LRP1B: variants seen among roughly 807,000 people sequenced by gnomAD.
The protein encoded by LRP1B is low-density lipoprotein receptor-related protein 1B.
LRP1B carries 217 observed loss-of-function variants against 556.6 expected under a neutral mutation model. The ratio of observed to expected loss-of-function variants is 0.39; its 90% CI spans 0.35 to 0.44. The LOEUF is 0.44. Ranked by LOEUF, LRP1B falls within the 20% of genes least tolerant of loss-of-function variation. The probability of loss-of-function intolerance (pLI) is 1.00; values close to 1 mark genes in which losing one functional copy is unlikely to be tolerated. For synonymous variants in LRP1B, 2,047 were observed against 1,865.8 expected (o/e 1.10, Z -2.50); for missense variants, 5,053 against 5,620.8 (o/e 0.90, Z 3.23).
At chr2:140,943,659 C>T (rs1695463021) in intron 20 of LRP1B, among the ~76,000 whole-genome samples, 1 of 152,082 alleles carries the variant, frequency 6.6e-6, no homozygotes, top group African/African-American at 2.4e-5. Context: ...CAACTTGCTT[C>T]TAAATGACTA....
At chr2:141,271,114 G>T (rs563878337) in intron 3 of LRP1B, among the ~76,000 whole-genome samples, 10 of 151,854 alleles carry the variant, frequency 6.6e-5, no homozygotes, top group African/African-American at 1.9e-4. Flanking sequence ...TAACCAAAAT[G>T]AAAATTTTAT....
chr2:141,972,607 A>G (rs1287295116), intron 1 of LRP1B, among the ~76,000 whole-genome samples: 3 of 150,062 alleles, frequency 2.0e-5, no homozygotes, highest in Admixed American at 6.7e-5. Context: ...AAAAGTGCCT[A>G]CAATTAACCA....
intron 1 of LRP1B, among the ~76,000 whole-genome samples, chr2:142,101,841 T>G (rs1050026616): frequency 6.6e-6 from 1 of 151,978 alleles, no homozygotes; most frequent in African/African-American, 2.4e-5. Context: ...GAAAATGCCG[T>G]AGGCTCTGAA....
intron 2 of LRP1B, among the ~76,000 whole-genome samples, chr2:141,514,147 A>G (rs1684226188): frequency 6.6e-6 from 1 of 151,594 alleles, no homozygotes; most frequent in Non-Finnish European, 1.5e-5. Flanking sequence ...TGCTCCACTG[A>G]CCCCCTCAAC....
At chr2:140,349,879 C>A (rs1288482756) in intron 77 of LRP1B, among the ~76,000 whole-genome samples, 1 of 152,146 alleles carries the variant, frequency 6.6e-6, no homozygotes, top group African/African-American at 2.4e-5. Context: ...AAAATAGCTT[C>A]TTTTAAAACC....
intron 2 of LRP1B, among the ~76,000 whole-genome samples, chr2:141,795,860 ATATAT>A (rs1558880746): frequency 0.026 from 1,805 of 69,298 alleles, 126 homozygotes; most frequent in African/African-American, 0.071. Context: ...CAGGAGCAAT[ATATAT>A]ATATATATAT....
intron 35 of LRP1B, among the ~76,000 whole-genome samples, chr2:140,722,839 C>G (rs1306008829): frequency 6.6e-6 from 1 of 152,050 alleles, no homozygotes; most frequent in Non-Finnish European, 1.5e-5. Flanking sequence ...GTCAGGAGAT[C>G]GAAACCATCC....
intron 66 of LRP1B, among the ~76,000 whole-genome samples, chr2:140,438,046 T>G (rs1686263408): frequency 6.6e-6 from 1 of 152,166 alleles, no homozygotes; most frequent in Admixed American, 6.5e-5. Flanking sequence ...TGAGATAGGG[T>G]CTGTGTCTGT....
chr2:142,107,607 C>A (rs2104981581), intron 1 of LRP1B, among the ~76,000 whole-genome samples: 1 of 137,402 alleles, frequency 7.3e-6, no homozygotes, highest in East Asian at 2.3e-4. Flanking sequence ...TATAGGCATT[C>A]AATAATGTGT....
chr2:141,763,090 A>G (rs1039628053), intron 2 of LRP1B, among the ~76,000 whole-genome samples: 1 of 152,206 alleles, frequency 6.6e-6, no homozygotes, highest in Admixed American at 6.5e-5. Flanking sequence ...GTTGTTGTGT[A>G]TAAGAGAAGA....
chr2:141,409,777 G>A (rs376637894), intron 3 of LRP1B, among the ~76,000 whole-genome samples: 64 of 152,166 alleles, frequency 4.2e-4, no homozygotes, highest in Admixed American at 2.4e-3. Context: ...ATAATTATGC[G>A]AGGGGAGATG....
intron 3 of LRP1B, among the ~76,000 whole-genome samples, chr2:141,398,814 C>G (rs1366304708): frequency 6.6e-6 from 1 of 152,210 alleles, no homozygotes; most frequent in Non-Finnish European, 1.5e-5. Flanking sequence ...CCTTGAGGGT[C>G]CGGCCAACAG....
intron 41 of LRP1B, among the ~76,000 whole-genome samples, chr2:140,662,525 C>T (rs1176917727): frequency 6.6e-6 from 1 of 151,932 alleles, no homozygotes; most frequent in African/African-American, 2.4e-5. Flanking sequence ...ATGTAGAGAA[C>T]AAGGAACTAA....
chr2:141,787,906 A>C (rs548245299), intron 2 of LRP1B, among the ~76,000 whole-genome samples: 5 of 152,062 alleles, frequency 3.3e-5, no homozygotes, highest in African/African-American at 4.8e-5. Context: ...TTACTTTTCC[A>C]TAAGTTTATT....
At chr2:140,360,345 A>G (rs1682449120) in intron 72 of LRP1B, among the ~76,000 whole-genome samples, 2 of 151,464 alleles carry the variant, frequency 1.3e-5, no homozygotes, top group African/African-American at 4.8e-5. Context: ...TTTTCCAAAT[A>G]TACTCCCTCC....
Position 140,297,804 on chromosome 2 carries a change from T to A in LRP1B, c.12967+4A>T, listed in dbSNP as rs2105000366. 6.2e-7 allele frequency: 1 copy of A among 1,608,036 alleles called. No individual in the cohort carries two copies. Among genetic ancestry groups the A allele is most frequent in the Non-Finnish European group, 8.5e-7 (1 of 1,176,058 alleles). ...GCTGGCTTCTGGGTGCTGCTTTTAC[T>A]TACAGTACTGACATCTGTCTCCGGT... is the stretch of plus-strand genomic sequence containing the variant. On this transcript the variant is annotated splice_donor_region_variant and intron_variant, in intron 84 of 90. Transcript: ENST00000389484.
At chr2:141,622,050 C>G (rs1688523276) in intron 2 of LRP1B, among the ~76,000 whole-genome samples, 1 of 151,984 alleles carries the variant, frequency 6.6e-6, no homozygotes, top group Non-Finnish European at 1.5e-5. Flanking sequence ...CATCACCACA[C>G]CCAGCTAATT....
chr2:140,286,189 A>G (rs553946701), intron 84 of LRP1B, among the ~76,000 whole-genome samples: 207 of 151,998 alleles, frequency 1.4e-3, no homozygotes, highest in African/African-American at 4.9e-3. Flanking sequence ...GGCACTATGG[A>G]AGGCAGAGAA....
chr2:140,821,787 C>A (rs1003065188), intron 31 of LRP1B, among the ~76,000 whole-genome samples: 1 of 152,144 alleles, frequency 6.6e-6, no homozygotes, highest in Non-Finnish European at 1.5e-5. Context: ...ATAATCCCAG[C>A]ACTTTGTGAG....
Sources: allele counts gnomAD v4.1 joint callset (sites outside exome capture counted in the v4.1 genomes callset), GRCh38; gene constraint gnomAD v4.1.1; transcripts MANE v1.5; gene names NCBI Gene and HGNC (gene_info 2026-07-23, HGNC 2026-07-21).